Variants in JMJD1C observed in about 807,000 individuals in gnomAD.
JMJD1C encodes jumonji domain-containing protein 1C.
Under a neutral mutation model 245.3 loss-of-function variants are expected in JMJD1C, and 31 were observed. The ratio of observed to expected loss-of-function variants is 0.13; its 90% CI spans 0.09 to 0.17. The LOEUF (loss-of-function observed/expected upper bound fraction) is 0.17, where lower values mean the gene tolerates loss of function less well. Among genes scored for constraint, JMJD1C ranks in the 10% least tolerant of loss-of-function variants. The pLI is 1.00. For missense variants in JMJD1C, 2,691 were observed against 3,000.2 expected, an observed-to-expected ratio of 0.90 and a Z score of 2.41; for synonymous variants, 1,057 against 1,017.4, an observed-to-expected ratio of 1.04 and a Z score of -0.74.
At chr10:63,174,487 C>A (rs1842688672) in intron 24 of JMJD1C, among the ~76,000 whole-genome samples, 1 of 151,742 alleles carries the variant, frequency 6.6e-6, no homozygotes, top group Non-Finnish European at 1.5e-5. Context: ...ACTATAGGGA[C>A]AAAAAAGCAG....
chr10:63,463,922 T>C (rs1040764214), intron 1 of JMJD1C, among the ~76,000 whole-genome samples: 1 of 152,152 alleles, frequency 6.6e-6, no homozygotes, highest in African/African-American at 2.4e-5. Flanking sequence ...TATGCAAACT[T>C]AACTCTTTAA....
chr10:63,222,395 T>G (rs878949774), intron 3 of JMJD1C: 1 of 962,194 alleles, frequency 1.0e-6, no homozygotes, highest in South Asian at 1.3e-5. Context: ...TCCTACAAGA[T>G]GTGGTAAATT....
chr10:63,441,867 T>C (rs1951409805), intron 1 of JMJD1C, among the ~76,000 whole-genome samples: 1 of 152,218 alleles, frequency 6.6e-6, no homozygotes, highest in Non-Finnish European at 1.5e-5. Flanking sequence ...ACCTTTGTAT[T>C]CTGCTCCTCT....
At chr10:63,171,193 A>G (rs1280497951) in intron 24 of JMJD1C, among the ~76,000 whole-genome samples, 1 of 152,100 alleles carries the variant, frequency 6.6e-6, no homozygotes, top group Admixed American at 6.5e-5. Context: ...AAAAAAAACA[A>G]CTGTTGCTGT....
At chr10:63,315,500 T>C (rs1939877621) in intron 2 of JMJD1C, among the ~76,000 whole-genome samples, 1 of 152,210 alleles carries the variant, frequency 6.6e-6, no homozygotes, top group Non-Finnish European at 1.5e-5. Flanking sequence ...AGTTTTTATT[T>C]GCCTGGAAGT....
intron 1 of JMJD1C, among the ~76,000 whole-genome samples, chr10:63,397,715 C>T (rs1339094020): frequency 6.6e-6 from 1 of 151,842 alleles, no homozygotes. Context: ...TTATTTTTTT[C>T]TAGACACAAG....
intron 2 of JMJD1C, among the ~76,000 whole-genome samples, chr10:63,320,270 T>G (rs1564782754): frequency 6.6e-6 from 1 of 152,202 alleles, no homozygotes; most frequent in Non-Finnish European, 1.5e-5. Flanking sequence ...TTATTTCATA[T>G]TATCTTCCTC....
At chr10:63,302,023 T>C (rs1390940644) in intron 2 of JMJD1C, among the ~76,000 whole-genome samples, 1 of 152,076 alleles carries the variant, frequency 6.6e-6, no homozygotes, top group African/African-American at 2.4e-5. Flanking sequence ...TATTAAACTC[T>C]TTTTTTCCCT....
chr10:63,427,588 T>C, intron 1 of JMJD1C: 2 of 1,405,546 alleles, frequency 1.4e-6, no homozygotes, highest in Non-Finnish European at 2.0e-6. Context: ...CACCTTCACC[T>C]GGAACATCAA....
In JMJD1C at chr10:63,395,049, A is replaced by G. The variant is rs1948383079; in HGVS notation, c.169-14567T>C. 2.0e-5 allele frequency among the ~76,000 whole-genome samples: 3 copies of G among 152,190 alleles called. No homozygotes were observed. The South Asian group carries it at 6.2e-4, about 31-fold the overall frequency. ...AAATTAATTCAAAAATATGGGCAAAAGATTTGAACATGTACTTCACTAAAG... is the reference window on the plus strand; with the variant it reads ...AAATTAATTCAAAAATATGGGCAAAGGATTTGAACATGTACTTCACTAAAG... On this transcript the variant is annotated intron_variant, in intron 1 of 25. Coordinates refer to ENST00000399262, the MANE Select transcript of JMJD1C (RefSeq NM_032776.3).
At chr10:63,507,364 C>G (rs1954749300) in intron 1 of JMJD1C, among the ~76,000 whole-genome samples, 1 of 152,008 alleles carries the variant, frequency 6.6e-6, no homozygotes, top group Admixed American at 6.6e-5. Context: ...GCTGTGCCAG[C>G]CGGGTACGAT....
chr10:63,465,909 C>A lies in JMJD1C; in HGVS notation c.-247G>T. 1.6e-6 allele frequency: 1 copy of A among 635,022 alleles called. No individual in the cohort carries two copies. Among genetic ancestry groups the A allele is most frequent in the South Asian group, 1.7e-5 (1 of 58,636 alleles). 39.3% of individuals were successfully genotyped at this position (635,022 alleles called of 1,614,324 possible). ...GCAGCGCCACACAAGAAAACTGAAA[C>A]AAAACCCAACGCGGCCGTCGAAGAC... On this transcript the variant is annotated 5_prime_UTR_variant, in exon 1 of 26. Transcript: ENST00000399262.
At chr10:63,458,799 A>G (rs1303040480) in intron 1 of JMJD1C, among the ~76,000 whole-genome samples, 1 of 151,716 alleles carries the variant, frequency 6.6e-6, no homozygotes, top group Non-Finnish European at 1.5e-5. Context: ...TCATGGCTCA[A>G]TGCAGCCTTG....
intron 2 of JMJD1C, among the ~76,000 whole-genome samples, chr10:63,326,811 A>T (rs1409985860): frequency 1.3e-5 from 2 of 152,178 alleles, no homozygotes; most frequent in Admixed American, 1.3e-4. Context: ...CCCAGGAAGC[A>T]GAGGTTGCAG....
At chr10:63,180,694 C>T (rs1028677644) in intron 22 of JMJD1C, among the ~76,000 whole-genome samples, 3 of 152,138 alleles carry the variant, frequency 2.0e-5, no homozygotes, top group Non-Finnish European at 4.4e-5. Flanking sequence ...CTTCTGCCTC[C>T]CAGGTTCAAG....
At chr10:63,184,556 T>G (rs1843892420) in intron 21 of JMJD1C, 52 bp downstream of exon 21, 1 of 1,529,140 alleles carries the variant, frequency 6.5e-7, no homozygotes, top group Admixed American at 2.2e-5. Context: ...AGCAAAAATT[T>G]TAAAAAATCC....
Position 63,428,817 on chromosome 10 carries a change from C to T in JMJD1C, c.168+36678G>A, listed in dbSNP as rs532652882. The stretch of plus-strand genomic sequence containing the variant: ...TCTAAGTATTTCTGAAATACCCATA[C>T]TATTATAATAATAATACTCTTATCT... On this transcript the variant is annotated intron_variant, in intron 1 of 25. Coordinates refer to ENST00000399262, the MANE Select transcript of JMJD1C (RefSeq NM_032776.3). Among the ~76,000 whole-genome samples, 102 of 152,236 alleles carry T rather than the reference C, an allele frequency of 6.7e-4. 1 individual carries two copies. The highest frequency in any genetic ancestry group is 2.3e-3 in the African/African-American group (96 of 41,532).
chr10:63,252,441 C>T (rs1853221855), intron 3 of JMJD1C, among the ~76,000 whole-genome samples: 1 of 152,140 alleles, frequency 6.6e-6, no homozygotes, highest in African/African-American at 2.4e-5. Flanking sequence ...TAAGGTCTCT[C>T]AAGGAAAAAT....
At position 63,185,543 on chromosome 10, in the gene JMJD1C, C is replaced by G; in HGVS notation, c.6830+20G>C. 1 of 1,440,794 alleles carries G rather than the reference C, an allele frequency of 6.9e-7. No homozygotes were observed. The highest frequency in any genetic ancestry group is 9.8e-7 in the Non-Finnish European group (1 of 1,020,586). The allele number at this position is 1,440,794 out of a possible 1,614,324, so 89.3% of individuals were successfully genotyped here. A position where few individuals can be genotyped will look rare whatever the true frequency, so the allele number is the denominator to read the frequency against. ...AGCTCGATCTCAAAAAGTCAAGAGT[C>G]AAAATGAAAAGTTTCAAACCTTGCT... is the stretch of plus-strand genomic sequence containing the variant. On this transcript the variant is annotated intron_variant, in intron 20 of 25. Transcript: ENST00000399262.
Sources: allele counts gnomAD v4.1 joint callset (sites outside exome capture counted in the v4.1 genomes callset), GRCh38; gene constraint gnomAD v4.1.1; transcripts MANE v1.5; gene names NCBI Gene and HGNC (gene_info 2026-07-23, HGNC 2026-07-21).